The following AGBL4 variants were observed in gnomAD, a reference collection of about 807,000 sequenced individuals.
AGBL4 encodes the protein cytosolic carboxypeptidase 6.
AGBL4 carries 58 observed loss-of-function variants against 66.4 expected under a neutral mutation model. That is an observed-to-expected ratio of 0.87 (90% CI 0.71 to 1.09). AGBL4 has a LOEUF of 1.09. AGBL4 is among the 50% of genes least tolerant of loss of function. AGBL4 has a pLI of 0.00. For missense variants in AGBL4, 579 were observed against 631.0 expected, an observed-to-expected ratio of 0.92 and a Z score of 0.88; for synonymous variants, 234 against 222.9, an observed-to-expected ratio of 1.05 and a Z score of -0.44.
At chr1:49,836,457 T>C (rs1645851802) in intron 2 of AGBL4, among the ~76,000 whole-genome samples, 1 of 152,194 alleles carries the variant, frequency 6.6e-6, no homozygotes, top group Non-Finnish European at 1.5e-5. Flanking sequence ...AAACTGATTA[T>C]TCTACTTAGC....
In AGBL4 at chr1:49,971,482, G is replaced by A. The variant is rs188137249; in HGVS notation, c.34+52281C>T. Among the ~76,000 whole-genome samples the A allele has an allele frequency of 2.5e-3, 387 of 152,246 alleles. 2 individuals carry two copies. Among genetic ancestry groups the A allele is most frequent in the Non-Finnish European group, 3.2e-3 (219 of 67,998 alleles). On this transcript the variant is annotated intron_variant, in intron 1 of 13. Transcript: ENST00000371839. ...AAATGCCAAAAAGAAGTCATAAAGA[G>A]CTTCCTTTAAATAAGAAGGTGAAAG...
intron 4 of AGBL4, among the ~76,000 whole-genome samples, chr1:49,111,289 C>T (rs955953487): frequency 3.9e-5 from 6 of 151,900 alleles, no homozygotes; most frequent in Non-Finnish European, 5.9e-5. Flanking sequence ...ATTTTTTGTA[C>T]TTTTAGTAGA....
chr1:49,502,808 A>G (rs1037025933), intron 3 of AGBL4, among the ~76,000 whole-genome samples: 1 of 152,116 alleles, frequency 6.6e-6, no homozygotes, highest in African/African-American at 2.4e-5. Flanking sequence ...GATTTAGGAT[A>G]TCTGGTGGAA....
chr1:48,619,913 A>G (rs1320669933), intron 9 of AGBL4, among the ~76,000 whole-genome samples: 1 of 152,084 alleles, frequency 6.6e-6, no homozygotes, highest in African/African-American at 2.4e-5. Flanking sequence ...CCCTTGGGGG[A>G]TCTAGAGTAT....
At chr1:49,861,291 G>C (rs1304592079) in intron 1 of AGBL4, among the ~76,000 whole-genome samples, 1 of 152,140 alleles carries the variant, frequency 6.6e-6, no homozygotes, top group Non-Finnish European at 1.5e-5. Flanking sequence ...TGAGATATCA[G>C]CTGGGGCAGC....
intron 2 of AGBL4, among the ~76,000 whole-genome samples, chr1:49,716,735 T>C (rs1470228053): frequency 2.6e-5 from 4 of 152,092 alleles, no homozygotes; most frequent in African/African-American, 9.7e-5. Context: ...CAGTGCTTCA[T>C]GCTAAAAACT....
intron 8 of AGBL4, among the ~76,000 whole-genome samples, chr1:48,635,974 C>T (rs912269102): frequency 6.6e-6 from 1 of 152,222 alleles, no homozygotes; most frequent in Non-Finnish European, 1.5e-5. Context: ...AGTGTTATAA[C>T]ATGACATATC....
intron 2 of AGBL4, among the ~76,000 whole-genome samples, chr1:49,709,394 G>T (rs1000085885): frequency 7.2e-5 from 11 of 152,194 alleles, no homozygotes; most frequent in African/African-American, 2.7e-4. Flanking sequence ...CAGCATGGTG[G>T]ACGGCCCTTT....
At chr1:49,794,290 A>G (rs1183036683) in intron 2 of AGBL4, among the ~76,000 whole-genome samples, 3 of 151,966 alleles carry the variant, frequency 2.0e-5, no homozygotes, top group Non-Finnish European at 4.4e-5. Context: ...AGTTCTCCCC[A>G]TAACAAAAAA....
chr1:48,578,644 C>A (rs560420134), intron 11 of AGBL4, among the ~76,000 whole-genome samples: 2 of 152,308 alleles, frequency 1.3e-5, no homozygotes, highest in East Asian at 3.9e-4. Flanking sequence ...CATCCCCAAC[C>A]ACATACAGAT....
At chr1:48,598,577 G>A (rs1645030973) in intron 9 of AGBL4, among the ~76,000 whole-genome samples, 1 of 151,976 alleles carries the variant, frequency 6.6e-6, no homozygotes, top group African/African-American at 2.4e-5. Context: ...AGGAATTCAA[G>A]ACCAGCCTGA....
At chr1:49,276,498 G>A (rs1644170190) in intron 3 of AGBL4, among the ~76,000 whole-genome samples, 1 of 152,106 alleles carries the variant, frequency 6.6e-6, no homozygotes, top group Non-Finnish European at 1.5e-5. Context: ...ACCCTATAAA[G>A]CTGTCTTTTG....
At chr1:49,122,500 A>C (rs529726933) in intron 4 of AGBL4, among the ~76,000 whole-genome samples, 2 of 152,352 alleles carry the variant, frequency 1.3e-5, no homozygotes, top group Admixed American at 1.3e-4. Context: ...TTCCAATCAC[A>C]TTAATCTTGT....
Position 48,834,120 on chromosome 1 carries a change from A to C in AGBL4, c.634+33071T>G, listed in dbSNP as rs1646622440. On this transcript the variant is annotated intron_variant, in intron 6 of 13. Transcript: ENST00000371839. ...TCCTTCCGATTTCTCCCTTTTTGGA[A>C]TAGGAATGTCAATTCTATGACTACC... Among the ~76,000 whole-genome samples the C allele has an allele frequency of 2.0e-5, 3 of 152,162 alleles. No homozygotes were observed. In the South Asian group the frequency reaches 6.2e-4, roughly 31 times the overall value.
chr1:49,650,509 C>T (rs1645981321), intron 3 of AGBL4, among the ~76,000 whole-genome samples: 1 of 152,146 alleles, frequency 6.6e-6, no homozygotes, highest in Non-Finnish European at 1.5e-5. Context: ...TGCATTCACA[C>T]TCCCCTCAGG....
chr1:49,539,713 C>T (rs983757459), intron 3 of AGBL4, among the ~76,000 whole-genome samples: 14 of 152,044 alleles, frequency 9.2e-5, no homozygotes, highest in African/African-American at 3.4e-4. Context: ...TTTGGTGTGG[C>T]CTCTGGTGGA....
At position 49,591,223 on chromosome 1, in the gene AGBL4, A is replaced by G. The variant is rs141256328; in HGVS notation, c.282+106090T>C. On this transcript the variant is annotated intron_variant, in intron 3 of 13. Coordinates refer to ENST00000371839, the MANE Select transcript of AGBL4 (RefSeq NM_032785.4). ...AAATACAGAAAAATCAATGAAACCA[A>G]AAGTTGTTTTTTTGAGAAGATTAAC... Among the ~76,000 whole-genome samples the G allele has an allele frequency of 3.1e-3, 471 of 152,148 alleles. 3 individuals are homozygous for G. Among genetic ancestry groups the G allele is most frequent in the Non-Finnish European group, 5.3e-3 (362 of 67,922 alleles).
At chr1:48,834,722 T>C (rs1279997839) in intron 6 of AGBL4, among the ~76,000 whole-genome samples, 2 of 152,202 alleles carry the variant, frequency 1.3e-5, no homozygotes, top group Non-Finnish European at 2.9e-5. Flanking sequence ...ACTAAGTCTA[T>C]GGCATTTTGT....
chr1:49,476,539 A>AT (rs961665710), intron 3 of AGBL4, among the ~76,000 whole-genome samples: 3 of 151,844 alleles, frequency 2.0e-5, no homozygotes, highest in African/African-American at 7.3e-5. Context: ...GGCTGTCAAT[A>AT]TTTTTTCTTA....
Sources: gnomAD v4.1 joint callset for allele counts (sites outside exome capture counted in the v4.1 genomes callset) on GRCh38, gnomAD v4.1.1 for gene constraint, MANE v1.5 for transcripts, NCBI Gene and HGNC (gene_info 2026-07-23, HGNC 2026-07-21) for gene names.